SFTPD: variants seen among roughly 807,000 people sequenced by gnomAD.
SFTPD encodes pulmonary surfactant-associated protein D.
SFTPD carries 18 observed loss-of-function variants against 34.6 expected under a neutral mutation model. That is an observed-to-expected ratio of 0.52 (90% confidence interval 0.36 to 0.77). The LOEUF (loss-of-function observed/expected upper bound fraction) is 0.77. SFTPD is among the 30% of genes least tolerant of loss of function. The pLI is 0.00. For synonymous variants in SFTPD, 155 were observed against 180.9 expected (o/e 0.86, Z 1.15); for missense variants, 433 against 468.9 (o/e 0.92, Z 0.71).
chr10:79,938,359 G>A (rs1044855833), intron 7 of SFTPD, 131 bp from the exon 8 acceptor site: 11 of 763,766 alleles, frequency 1.4e-5, no homozygotes, highest in Admixed American at 8.3e-5. Context: ...ATGCCAGAGA[G>A]AATGCAAGAG....
intron 1 of SFTPD, among the ~76,000 whole-genome samples, chr10:79,957,589 A>G (rs1007439346): frequency 1.3e-5 from 2 of 152,194 alleles, no homozygotes; most frequent in Non-Finnish European, 2.9e-5. Context: ...GCGAGAAGGG[A>G]AGTTTAGAGA....
chr10:79,954,086 CCTTT>C (rs536549589), upstream of SFTPD, among the ~76,000 whole-genome samples: 153 of 151,506 alleles, frequency 1.0e-3, 1 homozygote, highest in Non-Finnish European at 1.9e-3. Context: ...TTTTTCATTG[CCTTT>C]CTGTGTTCTC....
chr10:79,963,648 C>G (rs1842787393), intron 1 of SFTPD, among the ~76,000 whole-genome samples: 1 of 152,164 alleles, frequency 6.6e-6, no homozygotes, highest in African/African-American at 2.4e-5. Context: ...TTCTCTAAAA[C>G]AACATTTACA....
chr10:79,957,842 T>C (rs565476795), intron 1 of SFTPD, among the ~76,000 whole-genome samples: 5 of 152,102 alleles, frequency 3.3e-5, no homozygotes, highest in African/African-American at 1.2e-4. Context: ...CCAAGACACA[T>C]AATTGTCAGA....
At chr10:79,978,730 C>T (rs1390074292) in intron 1 of SFTPD, among the ~76,000 whole-genome samples, 2 of 145,098 alleles carry the variant, frequency 1.4e-5, no homozygotes, top group Non-Finnish European at 3.0e-5. Context: ...GACAAATCTA[C>T]AGGTAACATC....
At chr10:79,953,382 A>G (rs1030531686), upstream of SFTPD, among the ~76,000 whole-genome samples, 1 of 151,100 alleles carries the variant, frequency 6.6e-6, no homozygotes, top group Non-Finnish European at 1.5e-5. Flanking sequence ...CACTAATAAA[A>G]GACACATTGC....
upstream of SFTPD, chr10:79,950,466 C>A (rs549444165): frequency 2.6e-5 from 4 of 152,302 alleles, no homozygotes; most frequent in East Asian, 7.7e-4. Flanking sequence ...ATACAAAATT[C>A]TTGGCTGGCA....
intron 1 of SFTPD, among the ~76,000 whole-genome samples, chr10:79,980,792 G>A (rs1433939467): frequency 1.3e-5 from 2 of 152,224 alleles, no homozygotes; most frequent in Non-Finnish European, 2.9e-5. Context: ...GTATTTGGCT[G>A]CAGTGACCAA....
intron 1 of SFTPD, among the ~76,000 whole-genome samples, chr10:79,947,934 G>A (rs1842682016): frequency 6.6e-6 from 1 of 152,226 alleles, no homozygotes; most frequent in South Asian, 2.1e-4. Flanking sequence ...ATTCGCAGAG[G>A]CTAGGAACAA....
chr10:79,953,467 C>G (rs954978254), upstream of SFTPD, among the ~76,000 whole-genome samples: 1 of 146,988 alleles, frequency 6.8e-6, no homozygotes, highest in Non-Finnish European at 1.5e-5. Flanking sequence ...TCATTTCATT[C>G]TCTCCTGGTC....
At chr10:79,958,246 C>T (rs545509534) in intron 1 of SFTPD, among the ~76,000 whole-genome samples, 14 of 152,224 alleles carry the variant, frequency 9.2e-5, no homozygotes, top group Non-Finnish European at 1.3e-4. Flanking sequence ...CATCAACTAA[C>T]GAGCAAAATA....
intron 2 of SFTPD, among the ~76,000 whole-genome samples, chr10:79,944,096 C>G (rs17886286): frequency 0.073 from 11,114 of 152,250 alleles, 494 homozygotes; most frequent in South Asian, 0.2. Flanking sequence ...GACCTGCACC[C>G]GAGTGCCACC....
intron 1 of SFTPD, among the ~76,000 whole-genome samples, chr10:79,963,393 T>C (rs942609321): frequency 2.4e-4 from 36 of 151,416 alleles, no homozygotes; most frequent in Non-Finnish European, 2.9e-5. Flanking sequence ...GATTGGAAGG[T>C]ATATGCATTT....
intron 1 of SFTPD, among the ~76,000 whole-genome samples, chr10:79,975,602 C>T (rs922438836): frequency 6.6e-6 from 1 of 152,068 alleles, no homozygotes; most frequent in Non-Finnish European, 1.5e-5. Context: ...TCGGGGAGAC[C>T]CTAACCCAGC....
At position 79,957,982 on chromosome 10, in the gene SFTPD, T is replaced by TG. The variant is rs1170849348; in HGVS notation, c.37-11321dup. On this transcript the variant is annotated intron_variant, in intron 1 of 5. Coordinates refer to the SFTPD transcript ENST00000444384. Reference sequence around the variant, plus strand: ...AGAAACTCTACAAGCCAGAAGAGAGTGGGGGCCAATATTCAGCATTCTTAA... The same window carrying TG: ...AGAAACTCTACAAGCCAGAAGAGAGTGGGGGGCCAATATTCAGCATTCTTAA... 4.6e-5 allele frequency among the ~76,000 whole-genome samples: 7 copies of TG among 152,058 alleles called. No homozygotes were observed. The East Asian group carries it at 1.4e-3, about 29-fold the overall frequency.
chr10:79,960,951 T>C (rs1842768792), intron 1 of SFTPD, among the ~76,000 whole-genome samples: 2 of 152,120 alleles, frequency 1.3e-5, no homozygotes, highest in South Asian at 2.1e-4. Context: ...AACAGAGATA[T>C]AGATCAATGG....
intron 1 of SFTPD, among the ~76,000 whole-genome samples, chr10:79,981,445 T>C (rs967438760): frequency 2.0e-5 from 3 of 152,158 alleles, no homozygotes; most frequent in Admixed American, 2.0e-4. Flanking sequence ...AAAATATCAA[T>C]ATTCAAGTGT....
intron 1 of SFTPD, among the ~76,000 whole-genome samples, chr10:79,960,455 T>C (rs1163488002): frequency 6.7e-6 from 1 of 149,086 alleles, no homozygotes; most frequent in African/African-American, 2.5e-5. Flanking sequence ...AGTCTCAGGA[T>C]ACAAAATCAA....
intron 1 of SFTPD, among the ~76,000 whole-genome samples, chr10:79,976,347 G>C (rs982148789): frequency 2.0e-5 from 3 of 152,200 alleles, no homozygotes; most frequent in South Asian, 2.1e-4. Context: ...GGCTTGCACA[G>C]TGGATCCTAT....
Sources: gnomAD v4.1 joint callset for allele counts (sites outside exome capture counted in the v4.1 genomes callset) on GRCh38, gnomAD v4.1.1 for gene constraint, MANE v1.5 for transcripts, NCBI Gene and HGNC (gene_info 2026-07-23, HGNC 2026-07-21) for gene names.